The following PRR16 variants were observed in gnomAD, a reference collection of about 807,000 sequenced individuals.
PRR16 encodes proline rich 16, also known as protein Largen.
In PRR16, 6 loss-of-function variants were observed where a neutral mutation model predicts 18.2. The ratio of observed to expected loss-of-function variants is 0.33; its 90% CI spans 0.18 to 0.65. The LOEUF is 0.65. Ranked by LOEUF, PRR16 falls within the 30% of genes least tolerant of loss-of-function variation. The probability of loss-of-function intolerance (pLI) is 0.74; values close to 1 mark genes in which losing one functional copy is unlikely to be tolerated. For missense variants in PRR16, 412 were observed against 376.6 expected, an observed-to-expected ratio of 1.09 and a Z score of -0.78; for synonymous variants, 151 against 147.8, an observed-to-expected ratio of 1.02 and a Z score of -0.16.
downstream of PRR16, among the ~76,000 whole-genome samples, chr5:120,688,811 T>C (rs568915115): frequency 1.2e-4 from 18 of 152,298 alleles, no homozygotes; most frequent in East Asian, 3.5e-3. Context: ...GAACAGATAA[T>C]TTCCTTGCGA....
intron 1 of PRR16, among the ~76,000 whole-genome samples, chr5:120,615,597 AT>A (rs2112812202): frequency 6.6e-6 from 1 of 152,042 alleles, no homozygotes; most frequent in African/African-American, 2.4e-5. Flanking sequence ...TGATTAGAAA[AT>A]TTGACAGTTT....
chr5:120,589,428 T>C (rs1753558193), intron 1 of PRR16, among the ~76,000 whole-genome samples: 2 of 152,252 alleles, frequency 1.3e-5, no homozygotes, highest in South Asian at 4.1e-4. Context: ...TATAGGGATG[T>C]CCAACTTAGT....
At chr5:120,546,962 C>T (rs961559716) in intron 1 of PRR16, among the ~76,000 whole-genome samples, 1 of 151,974 alleles carries the variant, frequency 6.6e-6, no homozygotes, top group Non-Finnish European at 1.5e-5. Context: ...AGTTACATGC[C>T]AATTAAGAGA....
chr5:120,475,417 T>C (rs888398006), intron 1 of PRR16, among the ~76,000 whole-genome samples: 1 of 152,194 alleles, frequency 6.6e-6, no homozygotes, highest in Non-Finnish European at 1.5e-5. Context: ...ACTTTTTTTC[T>C]TCTGTTTTTC....
At chr5:120,748,519 A>T in the PRR16 span, among the ~76,000 whole-genome samples, 1 of 152,148 alleles carries the variant, frequency 6.6e-6, no homozygotes, top group Non-Finnish European at 1.5e-5. Context: ...TAGTGAAAAA[A>T]ACAGGCATTA....
chr5:120,633,909 T>A (rs1755143305), intron 1 of PRR16, among the ~76,000 whole-genome samples: 1 of 151,950 alleles, frequency 6.6e-6, no homozygotes, highest in Non-Finnish European at 1.5e-5. Flanking sequence ...CAGCAAACAA[T>A]GGACTTAAAT....
intron 1 of PRR16, among the ~76,000 whole-genome samples, chr5:120,590,296 G>A (rs943302319): frequency 6.6e-6 from 1 of 151,914 alleles, no homozygotes; most frequent in Non-Finnish European, 1.5e-5. Context: ...TGCCTGTCTT[G>A]TTGAACCCAT....
intron 1 of PRR16, among the ~76,000 whole-genome samples, chr5:120,507,288 C>T (rs1750677682): frequency 6.6e-6 from 1 of 152,026 alleles, no homozygotes; most frequent in African/African-American, 2.4e-5. Flanking sequence ...TATACCTATG[C>T]TGTGAAAAAT....
the PRR16 span, among the ~76,000 whole-genome samples, chr5:120,769,441 A>ACAT: frequency 3.3e-5 from 5 of 151,848 alleles, no homozygotes; most frequent in Non-Finnish European, 7.4e-5. Flanking sequence ...ACTATATTGT[A>ACAT]CATCAGATCT....
At chr5:120,689,128 A>C (rs918497437), downstream of PRR16, among the ~76,000 whole-genome samples, 1 of 152,188 alleles carries the variant, frequency 6.6e-6, no homozygotes, top group African/African-American at 2.4e-5. Context: ...GTTTATTTAT[A>C]ATCAACATTT....
At chr5:120,717,234 C>T in the PRR16 span, among the ~76,000 whole-genome samples, 1 of 152,152 alleles carries the variant, frequency 6.6e-6, no homozygotes, top group Non-Finnish European at 1.5e-5. Context: ...TTTACTAGCT[C>T]CTCCACTTTT....
chr5:120,658,404 A>G (rs1756059872), intron 1 of PRR16: 1 of 151,580 alleles, frequency 6.6e-6, no homozygotes, highest in African/African-American at 2.4e-5. Context: ...CAACACTTGT[A>G]CGATGTCCAG....
intron 1 of PRR16, among the ~76,000 whole-genome samples, chr5:120,500,695 C>G (rs1288880589): frequency 2.0e-5 from 3 of 152,066 alleles, no homozygotes; most frequent in African/African-American, 7.2e-5. Context: ...AAAACTTATT[C>G]TTTTTTATAA....
At chr5:120,743,188 A>T in the PRR16 span, among the ~76,000 whole-genome samples, 1 of 152,024 alleles carries the variant, frequency 6.6e-6, no homozygotes, top group African/African-American at 2.4e-5. Context: ...ATTTTCTTCT[A>T]ATGTATTTTA....
At chr5:120,535,076 C>CAT (rs1554081417) in intron 1 of PRR16, among the ~76,000 whole-genome samples, 2 of 146,336 alleles carry the variant, frequency 1.4e-5, no homozygotes, top group Non-Finnish European at 3.0e-5. Flanking sequence ...TCACTTTACA[C>CAT]GTGTGTGTGT....
chr5:120,729,765 A>G, the PRR16 span, among the ~76,000 whole-genome samples: 3 of 152,178 alleles, frequency 2.0e-5, no homozygotes, highest in African/African-American at 7.2e-5. Context: ...GAGCGAAGAC[A>G]GGGAATGACA....
At chr5:120,717,751 A>T in the PRR16 span, among the ~76,000 whole-genome samples, 1 of 152,192 alleles carries the variant, frequency 6.6e-6, no homozygotes, top group African/African-American at 2.4e-5. Flanking sequence ...TGTGCTCTTT[A>T]TAAATCAGTG....
intron 1 of PRR16, among the ~76,000 whole-genome samples, chr5:120,635,224 C>G (rs1012581869): frequency 2.2e-4 from 33 of 152,050 alleles, no homozygotes; most frequent in African/African-American, 7.0e-4. Flanking sequence ...TGACACTATT[C>G]CAAAAGATAG....
intron 1 of PRR16, among the ~76,000 whole-genome samples, chr5:120,611,321 A>C (rs1248929416): frequency 1.3e-5 from 2 of 152,216 alleles, no homozygotes; most frequent in East Asian, 3.9e-4. Context: ...CCAGCTGCAG[A>C]AATCTGCATA....
Sources: gnomAD v4.1 joint callset for allele counts (sites outside exome capture counted in the v4.1 genomes callset) on GRCh38, gnomAD v4.1.1 for gene constraint, MANE v1.5 for transcripts, NCBI Gene and HGNC (gene_info 2026-07-23, HGNC 2026-07-21) for gene names.